Variants in CACNA1C observed in about 807,000 individuals in gnomAD.
CACNA1C encodes voltage-dependent L-type calcium channel subunit alpha-1C.
CACNA1C carries 30 observed loss-of-function variants against 229.0 expected under a neutral mutation model. The observed-to-expected ratio is 0.13, with a 90% confidence interval of 0.10 to 0.18. The LOEUF (loss-of-function observed/expected upper bound fraction) is 0.18, where lower values mean the gene tolerates loss of function less well. Among genes scored for constraint, CACNA1C ranks in the 10% least tolerant of loss-of-function variants. The pLI is 1.00. For synonymous variants in CACNA1C, 1,114 were observed against 1,132.5 expected (o/e 0.98, Z 0.33); for missense variants, 1,658 against 2,845.0 (o/e 0.58, Z 9.49).
chr12:2,121,506 G>A (rs2086714788), intron 3 of CACNA1C, among the ~76,000 whole-genome samples: 1 of 152,212 alleles, frequency 6.6e-6, no homozygotes, highest in South Asian at 2.1e-4. Flanking sequence ...TGCATAGCAG[G>A]TAAGGTGTTC....
chr12:2,526,719 A>G (rs191088867), intron 9 of CACNA1C, among the ~76,000 whole-genome samples: 2 of 152,364 alleles, frequency 1.3e-5, no homozygotes, highest in Non-Finnish European at 2.9e-5. Flanking sequence ...GTCTCCGGTG[A>G]AGGTAGACTG....
chr12:2,216,784 T>C (rs1380121186), intron 3 of CACNA1C, among the ~76,000 whole-genome samples: 10 of 152,286 alleles, frequency 6.6e-5, no homozygotes, highest in Admixed American at 5.9e-4. Context: ...ACCACTGGTT[T>C]AGAGGTGTTT....
At chr12:2,143,467 TA>T (rs113729562) in intron 3 of CACNA1C, among the ~76,000 whole-genome samples, 5,782 of 151,220 alleles carry the variant, frequency 0.038, 397 homozygotes, top group African/African-American at 0.13. Context: ...TTTTATAGAT[TA>T]TTTTTTATGT....
chr12:2,386,850 C>T (rs2098400615), intron 3 of CACNA1C, among the ~76,000 whole-genome samples: 1 of 152,186 alleles, frequency 6.6e-6, no homozygotes, highest in African/African-American at 2.4e-5. Context: ...TGAGCTAAAC[C>T]AGGTTTCCTG....
intron 38 of CACNA1C, among the ~76,000 whole-genome samples, chr12:2,669,322 C>T (rs969863606): frequency 7.0e-6 from 1 of 142,038 alleles, no homozygotes; most frequent in African/African-American, 2.6e-5. Flanking sequence ...AATACACTAA[C>T]GATAGCTGAT....
chr12:2,631,803 G>T (rs1367349211), intron 29 of CACNA1C, among the ~76,000 whole-genome samples: 1 of 152,134 alleles, frequency 6.6e-6, no homozygotes, highest in East Asian at 1.9e-4. Context: ...GTTTTCTTTC[G>T]GCAGAAATGC....
intron 29 of CACNA1C, among the ~76,000 whole-genome samples, chr12:2,623,909 G>C (rs571849766): frequency 1.3e-5 from 2 of 152,178 alleles, no homozygotes; most frequent in Non-Finnish European, 2.9e-5. Flanking sequence ...AGCAGAGATG[G>C]AAGGCAAAGA....
chr12:2,493,734 T>C lies in CACNA1C; in HGVS notation c.1113+348T>C, dbSNP rs148870492. On this transcript the variant is annotated intron_variant, in intron 7 of 46. Coordinates refer to ENST00000399655, the MANE Select transcript of CACNA1C (RefSeq NM_000719.7). The surrounding 1 kb of genome is among the most constrained non-coding windows in gnomAD (Gnocchi z 4.6). ...CCATGCAGAGTTCCTTCTGCCCTCA[T>C]CCTTTTCTTGCCTCTTTCCTCAAAA... Among the ~76,000 whole-genome samples the C allele has an allele frequency of 1.3e-5, 2 of 152,304 alleles. No homozygotes were observed. Among genetic ancestry groups the C allele is most frequent in the African/African-American group, 4.8e-5 (2 of 41,572 alleles).
intron 1 of CACNA1C, among the ~76,000 whole-genome samples, chr12:2,113,687 T>C (rs962518825): frequency 6.6e-6 from 1 of 152,204 alleles, no homozygotes; most frequent in Non-Finnish European, 1.5e-5. Context: ...TTCTTGATCC[T>C]GCGGCACCTG....
At chr12:2,368,516 C>G (rs896647439) in intron 3 of CACNA1C, among the ~76,000 whole-genome samples, 1 of 152,048 alleles carries the variant, frequency 6.6e-6, no homozygotes, top group Admixed American at 6.5e-5. Context: ...AAAAGAATTC[C>G]TATTTACAAC....
intron 1 of CACNA1C, among the ~76,000 whole-genome samples, chr12:2,061,280 A>C (rs983485927): frequency 1.3e-5 from 2 of 152,366 alleles, no homozygotes; most frequent in South Asian, 4.1e-4. Flanking sequence ...GCAGAGCACC[A>C]GAGTTTGGAA....
chr12:2,245,948 T>C (rs1346488370), intron 3 of CACNA1C, among the ~76,000 whole-genome samples: 1 of 152,154 alleles, frequency 6.6e-6, no homozygotes, highest in South Asian at 2.1e-4. Flanking sequence ...ACCGTGGAGC[T>C]CTAGAAGGCC....
At chr12:2,141,609 A>G (rs1244270273) in intron 3 of CACNA1C, among the ~76,000 whole-genome samples, 1 of 151,320 alleles carries the variant, frequency 6.6e-6, no homozygotes, top group African/African-American at 2.4e-5. Context: ...TCACCCCATA[A>G]GGGATGCAAG....
chr12:2,389,447 CA>C (rs1481287357), intron 3 of CACNA1C, among the ~76,000 whole-genome samples: 3 of 152,146 alleles, frequency 2.0e-5, no homozygotes, highest in Non-Finnish European at 2.9e-5. Context: ...TTTTTGTTGT[CA>C]TTTGTTTTGA....
At chr12:2,017,917 T>C (rs2045672955) in intron 1 of CACNA1C, among the ~76,000 whole-genome samples, 1 of 152,178 alleles carries the variant, frequency 6.6e-6, no homozygotes, top group Non-Finnish European at 1.5e-5. Context: ...AAACCATTGC[T>C]TGCCTTCTAC....
intron 3 of CACNA1C, among the ~76,000 whole-genome samples, chr12:2,271,756 C>G (rs2085098317): frequency 6.6e-6 from 1 of 151,858 alleles, no homozygotes; most frequent in Non-Finnish European, 1.5e-5. Flanking sequence ...ATTAGCAGAG[C>G]ATGGTGGTGC....
At chr12:2,510,104 T>C (rs1316704348) in intron 8 of CACNA1C, among the ~76,000 whole-genome samples, 2 of 152,106 alleles carry the variant, frequency 1.3e-5, no homozygotes, top group Non-Finnish European at 2.9e-5. Context: ...ATGTTGGCCA[T>C]TGCTGGCGAG....
chr12:2,213,709 G>A (rs74059803), intron 3 of CACNA1C, among the ~76,000 whole-genome samples: 3,044 of 152,230 alleles, frequency 0.02, 117 homozygotes, highest in African/African-American at 0.069. Context: ...CCCTCTGCAG[G>A]CCTCCCAGGC....
chr12:2,551,508 T>C (rs2099903056), intron 10 of CACNA1C, among the ~76,000 whole-genome samples: 2 of 152,084 alleles, frequency 1.3e-5, no homozygotes, highest in Admixed American at 6.5e-5. Flanking sequence ...ATGCCCCGAA[T>C]AAAATGTGGT....
Sources: allele counts gnomAD v4.1 joint callset (sites outside exome capture counted in the v4.1 genomes callset), GRCh38; gene constraint gnomAD v4.1.1; non-coding constraint Gnocchi (gnomAD v3.1); transcripts MANE v1.5; gene names NCBI Gene and HGNC (gene_info 2026-07-23, HGNC 2026-07-21).